The following TAFAZZIN variants were observed in gnomAD, a reference collection of about 807,000 sequenced individuals.
TAFAZZIN encodes tafazzin, phospholipid-lysophospholipid transacylase.
In TAFAZZIN, 6 loss-of-function variants were observed where a neutral mutation model predicts 27.3. The ratio of observed to expected loss-of-function variants is 0.22; its 90% CI spans 0.12 to 0.43. The LOEUF (loss-of-function observed/expected upper bound fraction) is 0.43. Ranked by LOEUF, TAFAZZIN falls within the 20% of genes least tolerant of loss-of-function variation. TAFAZZIN has a pLI of 1.00. For missense variants in TAFAZZIN, 127 were observed against 244.5 expected (o/e 0.52, Z 3.21); for synonymous variants, 79 against 96.2 (o/e 0.82, Z 1.04).
rs1557194335 is a variant in TAFAZZIN, at chrX:154,420,629, C to T, written c.700-29C>T. The T allele has an allele frequency of 2.5e-6, 3 of 1,208,319 alleles. No homozygotes were observed. In the Admixed American group the frequency reaches 6.5e-5, roughly 26 times the overall value. The stretch of plus-strand genomic sequence containing the variant: ...TGGGGCTGTGGGCACTCCTACTGCT[C>T]CTCATCACTCTTGGCGGCCACCCCA... On this transcript the variant is annotated intron_variant, in intron 9 of 10. Coordinates refer to ENST00000601016, the MANE Select transcript of TAFAZZIN (RefSeq NM_000116.5).
chrX:154,415,985 G>A (rs376067474), intron 5 of TAFAZZIN, among the ~76,000 whole-genome samples: 12 of 110,078 alleles, frequency 1.1e-4, no homozygotes, highest in African/African-American at 2.6e-4. Flanking sequence ...TCTGCCAGGC[G>A]CGGTGGCTCA....
Position 154,416,289 on chromosome X carries a change from C to T in TAFAZZIN, c.460+2099C>T, listed in dbSNP as rs186833855. ...GCAGGTGCCTGTAGTCCCAGCTACT[C>T]GGGAGGCTGAGGCAGGAGAATGGCA... On this transcript the variant is annotated intron_variant, in intron 5 of 10. Coordinates refer to ENST00000601016, the MANE Select transcript of TAFAZZIN (RefSeq NM_000116.5). Among the ~76,000 whole-genome samples, 906 of 111,260 alleles carry T rather than the reference C, an allele frequency of 8.1e-3. 10 individuals are homozygous for T. Among genetic ancestry groups the T allele is most frequent in the African/African-American group, 0.027 (830 of 30,620 alleles).
intron 9 of TAFAZZIN, 84 bp downstream of exon 9, chrX:154,420,348 G>A (rs2068594481): frequency 1.9e-5 from 21 of 1,086,361 alleles, no homozygotes; most frequent in Non-Finnish European, 2.7e-5. Context: ...GAGGCCAGCT[G>A]CAGGAGGAGC....
At chrX:154,419,189 A>T (rs1557193671) in intron 5 of TAFAZZIN, 1 of 296,086 alleles carries the variant, frequency 3.4e-6, no homozygotes, top group African/African-American at 2.7e-5. Flanking sequence ...TCATAGGTAG[A>T]TGGAGGAATT....
At chrX:154,417,141 A>T (rs2068514276) in intron 5 of TAFAZZIN, among the ~76,000 whole-genome samples, 2 of 111,334 alleles carry the variant, frequency 1.8e-5, no homozygotes, top group South Asian at 7.4e-4. Context: ...TCTCAAAAAA[A>T]AAAAAAACAA....
chrX:154,418,130 T>C (rs2068536937), intron 5 of TAFAZZIN, among the ~76,000 whole-genome samples: 1 of 111,589 alleles, frequency 9.0e-6, no homozygotes, highest in African/African-American at 3.3e-5. Context: ...AATGGATAGG[T>C]TGCGTCAGTG....
chrX:154,415,216 C>A (rs1557192467), intron 5 of TAFAZZIN, among the ~76,000 whole-genome samples: 1 of 109,370 alleles, frequency 9.1e-6, no homozygotes, highest in Non-Finnish European at 1.9e-5. Context: ...ACCTCAGCCT[C>A]CTGAGCAGCT....
intron 5 of TAFAZZIN, among the ~76,000 whole-genome samples, chrX:154,414,860 G>A (rs1326016446): frequency 9.1e-6 from 1 of 109,418 alleles, no homozygotes; most frequent in Non-Finnish European, 1.9e-5. Context: ...GTGGTGGTGT[G>A]TGCCTGTAAT....
intron 2 of TAFAZZIN, 95 bp downstream of exon 2, chrX:154,412,309 A>G: frequency 9.1e-7 from 1 of 1,094,104 alleles, no homozygotes; most frequent in Non-Finnish European, 1.2e-6. Context: ...CTGCCTTTTC[A>G]TGGAGCCCTG....
chrX:154,412,687 T>G, intron 2 of TAFAZZIN: 2 of 186,797 alleles, frequency 1.1e-5, no homozygotes, highest in Non-Finnish European at 2.0e-5. Context: ...CTCTGCTGAC[T>G]TCACAGGAAG....
chrX:154,415,194 A>G (rs2068449102), intron 5 of TAFAZZIN, among the ~76,000 whole-genome samples: 1 of 108,003 alleles, frequency 9.3e-6, no homozygotes. Context: ...CCTGGGTTCA[A>G]GGGATCCTGT....
Position 154,420,240 on chromosome X carries a change from G to A in TAFAZZIN, c.675G>A (p.Pro225=), listed in dbSNP as rs201046790. 436 of 1,209,680 alleles carry A rather than the reference G, an allele frequency of 3.6e-4. 1 individual carries two copies. In the South Asian group the frequency reaches 7.1e-3, roughly 20 times the overall value. The change falls in exon 9 of 11, where the codon CCG becomes CCA. Residue 225 remains proline, a synonymous_variant. Transcript: ENST00000601016. The part of the protein sequence containing the change: ...VGMNDVLPNS[P]PYFPRFGQKI... ...TGAATGACGTCCTTCCTAACAGTCC[G>A]CCCTACTTCCCCCGCTTTGGACAGG... is the stretch of plus-strand genomic sequence containing the variant.
rs998107575 is a variant in TAFAZZIN at position 154,412,067 on chromosome X, A to C, written c.110-19A>C. ...CTAGCGGGCGAGCCCGGAGCGCCTG[A>C]CTTCTCCTTCCCCGCCAGAGTACAT... On this transcript the variant is annotated intron_variant, in intron 1 of 10. Transcript: ENST00000601016. The C allele has an allele frequency of 3.3e-6, 4 of 1,208,754 alleles. No homozygotes were observed. The highest frequency in any genetic ancestry group is 4.5e-6 in the Non-Finnish European group (4 of 894,460).
rs1557191113 is a variant in TAFAZZIN at position 154,412,165 on chromosome X, C to T, written c.189C>T (p.Leu63=). The T allele has an allele frequency of 1.7e-6, 2 of 1,202,659 alleles. No individual in the cohort carries two copies. Among genetic ancestry groups the T allele is most frequent in the Non-Finnish European group, 2.2e-6 (2 of 890,707 alleles). Residue 63 remains leucine (L), a synonymous_variant, in exon 2 of 11, where the codon CTC becomes CTT. Transcript: ENST00000601016. ...AGAAGCGAGGCCCGGCCACGCCCCT[C>T]ATCACCGTGTCCAATCACCAGTCCT... ...LIEKRGPATP[L]ITVSNHQSCM...
rs782483357 is a variant in TAFAZZIN at position 154,419,647 on chromosome X, G to GC, written c.541+31dup. 2.4e-4 allele frequency: 286 copies of GC among 1,210,009 alleles called. 2 individuals are homozygous for GC. The South Asian group carries it at 4.8e-3, about 20-fold the overall frequency. On this transcript the variant is annotated intron_variant, in intron 6 of 10. Transcript: ENST00000601016. ...AGGTCAGCAGGGCTGACTGGGTCGA[G>GC]CCCCCCCAGTATGAGCGGGATGGGC...
chrX:154,412,510 G>T, intron 2 of TAFAZZIN: 1 of 340,571 alleles, frequency 2.9e-6, no homozygotes, highest in Non-Finnish European at 5.1e-6. Context: ...ACCATCCAGG[G>T]CCCCACAGTC....
At chrX:154,413,813 G>A (rs1603378104) in intron 4 of TAFAZZIN, 1 of 442,442 alleles carries the variant, frequency 2.3e-6, no homozygotes, top group Non-Finnish European at 3.9e-6. Context: ...TAGAATTCAA[G>A]GAGGCATTAT....
chrX:154,417,092 G>A (rs1434045412), intron 5 of TAFAZZIN, among the ~76,000 whole-genome samples: 4 of 108,058 alleles, frequency 3.7e-5, no homozygotes, highest in East Asian at 5.7e-4. Flanking sequence ...CTGAGATTGC[G>A]CCACTGCACT....
chrX:154,420,598 T>C (rs1307504109), intron 9 of TAFAZZIN, 60 bp from the exon 10 acceptor site: 1 of 1,175,007 alleles, frequency 8.5e-7, no homozygotes, highest in African/African-American at 1.8e-5. Flanking sequence ...CCCGGGTTGC[T>C]TGGGCTGGGG....
Sources: allele counts gnomAD v4.1 joint callset (sites outside exome capture counted in the v4.1 genomes callset), GRCh38; gene constraint gnomAD v4.1.1; transcripts MANE v1.5; gene names NCBI Gene and HGNC (gene_info 2026-07-23, HGNC 2026-07-21).